MEGF11: variants seen among roughly 807,000 people sequenced by gnomAD.
MEGF11 encodes the protein multiple epidermal growth factor-like domains protein 11.
A neutral mutation model predicts 146.6 loss-of-function variants in MEGF11; 126 were observed. The ratio of observed to expected loss-of-function variants is 0.86; its 90% CI spans 0.74 to 1.00. The LOEUF (loss-of-function observed/expected upper bound fraction) is 1.00. Ranked by LOEUF, MEGF11 falls within the 50% of genes least tolerant of loss-of-function variation. MEGF11 has a pLI of 0.00. For synonymous variants in MEGF11, 532 were observed against 583.4 expected (o/e 0.91, Z 1.27); for missense variants, 1,509 against 1,521.2 (o/e 0.99, Z 0.13).
intron 1 of MEGF11, among the ~76,000 whole-genome samples, chr15:66,134,932 T>C (rs1045097869): frequency 1.2e-4 from 18 of 152,196 alleles, no homozygotes; most frequent in Non-Finnish European, 2.5e-4. Context: ...ACACGAAAAC[T>C]TGGTTGCAGT....
intron 1 of MEGF11, among the ~76,000 whole-genome samples, chr15:66,229,529 T>C (rs145930831): frequency 4.6e-5 from 7 of 152,218 alleles, no homozygotes; most frequent in African/African-American, 9.7e-5. Context: ...GCCAAACTTA[T>C]CGGTAGCCAA....
chr15:65,971,553 C>G (rs2081297409), intron 7 of MEGF11, among the ~76,000 whole-genome samples: 1 of 152,196 alleles, frequency 6.6e-6, no homozygotes, highest in Admixed American at 6.5e-5. Context: ...TCTCCTGCTG[C>G]TCTCTTCCCT....
chr15:66,160,242 CCTCTCT>C (rs143653192), intron 1 of MEGF11, among the ~76,000 whole-genome samples: 12,457 of 133,402 alleles, frequency 0.093, 563 homozygotes, highest in East Asian at 0.14. Context: ...AAGGAAAAGC[CCTCTCT>C]CTCTCTCTCT....
intron 5 of MEGF11, among the ~76,000 whole-genome samples, chr15:66,073,313 C>T (rs901941558): frequency 2.6e-5 from 4 of 152,144 alleles, no homozygotes; most frequent in African/African-American, 9.7e-5. Context: ...TGAGGATGGG[C>T]GGTGGAAGTG....
intron 4 of MEGF11, among the ~76,000 whole-genome samples, chr15:66,104,891 C>G (rs573974606): frequency 2.0e-5 from 3 of 152,174 alleles, no homozygotes; most frequent in Non-Finnish European, 4.4e-5. Context: ...GTGGCCTCCT[C>G]CTCCTCCTCT....
Position 65,912,097 on chromosome 15 carries a change from C to G in MEGF11, c.2814G>C (p.Arg938Ser). The G allele has an allele frequency of 8.1e-7, 1 of 1,232,106 alleles. No homozygotes were observed. Among genetic ancestry groups the G allele is most frequent in the Non-Finnish European group, 1.0e-6 (1 of 988,016 alleles). 76.3% of individuals were successfully genotyped at this position (1,232,106 alleles called of 1,614,324 possible). ...GGCCCGGTACCTTGGTGGGGCTGTT[C>G]CTGTCCAGAGTGCTGGCCTGGCTGG... ...PATSQASTLDRNSPTKLSNKS... is the reference protein window; with the variant it reads ...PATSQASTLDSNSPTKLSNKS... Residue 938 changes from arginine (R) to serine (S), a missense_variant, in exon 21 of 26, where the codon AGG becomes AGC. Transcript: ENST00000395614.
At chr15:66,078,765 C>T (rs1597059938) in intron 5 of MEGF11, among the ~76,000 whole-genome samples, 1 of 152,240 alleles carries the variant, frequency 6.6e-6, no homozygotes, top group Non-Finnish European at 1.5e-5. Flanking sequence ...AGCTGGGCTC[C>T]CGCCACTCTA....
At chr15:66,011,768 C>A (rs1446484078) in intron 5 of MEGF11, among the ~76,000 whole-genome samples, 2 of 146,620 alleles carry the variant, frequency 1.4e-5, no homozygotes, top group African/African-American at 5.1e-5. Flanking sequence ...AAATGGCCAA[C>A]AATGGGGAAC....
intron 1 of MEGF11, among the ~76,000 whole-genome samples, chr15:66,191,007 T>C (rs946338281): frequency 3.9e-5 from 6 of 152,140 alleles, no homozygotes; most frequent in Admixed American, 6.5e-5. Context: ...CACCGCAGCC[T>C]GGAGAGAAAC....
intron 5 of MEGF11, among the ~76,000 whole-genome samples, chr15:66,066,685 G>GA (rs1227526227): frequency 2.6e-5 from 4 of 152,208 alleles, no homozygotes; most frequent in Non-Finnish European, 4.4e-5. Context: ...ACCCCTAGGG[G>GA]GGCTGGGAGG....
chr15:65,953,514 C>T (rs1354590616), intron 10 of MEGF11, among the ~76,000 whole-genome samples: 4 of 152,202 alleles, frequency 2.6e-5, no homozygotes, highest in Non-Finnish European at 5.9e-5. Flanking sequence ...AGTGCATCTC[C>T]ATGGGCCCTT....
intron 1 of MEGF11, among the ~76,000 whole-genome samples, chr15:66,234,194 C>T (rs1055043642): frequency 4.3e-4 from 65 of 152,190 alleles, no homozygotes; most frequent in African/African-American, 1.4e-3. Flanking sequence ...CCACTGCACC[C>T]GGCCAGACAT....
chr15:66,086,754 TA>T (rs1162612203), intron 5 of MEGF11, among the ~76,000 whole-genome samples: 1 of 152,036 alleles, frequency 6.6e-6, no homozygotes, highest in Non-Finnish European at 1.5e-5. Flanking sequence ...AAATACAAGT[TA>T]AAAAGCAAAA....
chr15:66,123,689 C>T (rs555927438), intron 3 of MEGF11, among the ~76,000 whole-genome samples: 26 of 152,142 alleles, frequency 1.7e-4, no homozygotes, highest in Non-Finnish European at 3.5e-4. Flanking sequence ...TGAGGGATGC[C>T]CTCAAGAGCA....
At chr15:66,021,500 C>T (rs953636661) in intron 5 of MEGF11, among the ~76,000 whole-genome samples, 1 of 152,206 alleles carries the variant, frequency 6.6e-6, no homozygotes, top group African/African-American at 2.4e-5. Context: ...GTCAATAATG[C>T]TGTCCTGAAG....
chr15:66,144,431 C>T (rs573298890), intron 1 of MEGF11, among the ~76,000 whole-genome samples: 1 of 152,264 alleles, frequency 6.6e-6, no homozygotes, highest in East Asian at 1.9e-4. Flanking sequence ...GCATGGGTAC[C>T]CCCTTCCTGC....
At chr15:66,126,309 A>C (rs1034515577) in intron 2 of MEGF11, among the ~76,000 whole-genome samples, 1 of 152,170 alleles carries the variant, frequency 6.6e-6, no homozygotes, top group Non-Finnish European at 1.5e-5. Flanking sequence ...TGGTGTCACC[A>C]GGCATCGCCC....
Position 66,093,563 on chromosome 15 carries a change from G to A in MEGF11, c.394+839C>T, listed in dbSNP as rs1208622162. 5.9e-5 allele frequency among the ~76,000 whole-genome samples: 9 copies of A among 152,326 alleles called. No homozygotes were observed. The East Asian group carries it at 1.7e-3, about 29-fold the overall frequency. ...CCAACTCAAAGCAGGAGGAAATTTG[G>A]GCTTCAACCTTAGTCAAGTCCTCTT... On this transcript the variant is annotated intron_variant, in intron 5 of 25. Transcript: ENST00000395614.
chr15:66,087,858 CAAT>C (rs1293105952), intron 5 of MEGF11, among the ~76,000 whole-genome samples: 1 of 152,020 alleles, frequency 6.6e-6, no homozygotes, highest in Non-Finnish European at 1.5e-5. Context: ...ACAACAACAA[CAAT>C]ACCAACAATA....
Sources: allele counts gnomAD v4.1 joint callset (sites outside exome capture counted in the v4.1 genomes callset), GRCh38; gene constraint gnomAD v4.1.1; transcripts MANE v1.5; gene names NCBI Gene and HGNC (gene_info 2026-07-23, HGNC 2026-07-21).